VPS18: variants seen among roughly 807,000 people sequenced by gnomAD.
VPS18 encodes the protein VPS18 core subunit of CORVET and HOPS complexes.
Under a neutral mutation model 82.0 loss-of-function variants are expected in VPS18, and 25 were observed. The observed-to-expected ratio is 0.30, with a 90% CI of 0.22 to 0.43. VPS18 has a LOEUF of 0.43. VPS18 is among the 20% of genes least tolerant of loss of function. The pLI is 1.00. For synonymous variants in VPS18, 523 were observed against 543.0 expected (o/e 0.96, Z 0.51); for missense variants, 1,168 against 1,311.1 (o/e 0.89, Z 1.69).
rs200892002 is a variant in VPS18, at chr15:40,903,024, C to T, written c.2605C>T (p.Leu869Phe). The T allele has an allele frequency of 7.4e-6, 12 of 1,614,256 alleles. No individual in the cohort carries two copies. The highest frequency in any genetic ancestry group is 1.0e-5 in the Non-Finnish European group (12 of 1,180,050). Residue 869 changes from leucine (L) to phenylalanine (F), a missense_variant, in exon 5 of 5, where the codon CTC becomes TTC. Physicochemically the swap from Leu to Phe is conservative, Grantham distance 22. This residue lies in a region of VPS18 where 296 missense variants were observed against 354.0 expected (regional missense o/e 0.84). Coordinates refer to ENST00000220509, the MANE Select transcript of VPS18 (RefSeq NM_020857.3). ...PLLNRPFYLF[L>F]CGHMFHADCL... ...GCTCAACCGCCCTTTTTACCTCTTC[C>T]TCTGTGGCCATATGTTCCATGCTGA... is the stretch of plus-strand genomic sequence containing the variant.
Position 40,900,265 on chromosome 15 carries a change from G to A in VPS18, c.1447G>A (p.Ala483Thr), listed in dbSNP as rs781187757. 1.9e-6 allele frequency: 3 copies of A among 1,613,784 alleles called. No homozygotes were observed. The highest frequency in any genetic ancestry group is 3.3e-4 in the Middle Eastern group (2 of 6,062). Residue 483 changes from alanine to threonine, a missense_variant, in exon 4 of 5, where the codon GCC (alanine) becomes ACC (threonine). By Grantham distance (58) the Ala-to-Thr change is moderately conservative. Transcript: ENST00000220509. The surrounding 1 kb of genome is among the most constrained non-coding windows in gnomAD (Gnocchi z 5.4). ...GCGAAAACTGGCCAGTTTGAAGCCAGCCGAACGTACCCAGGCCACACTGCT... is the reference window on the plus strand; with the variant it reads ...GCGAAAACTGGCCAGTTTGAAGCCAACCGAACGTACCCAGGCCACACTGCT... Reference protein sequence around the residue: ...LQRKLASLKPAERTQATLLTT... With the variant: ...LQRKLASLKPTERTQATLLTT...
rs1444142740 is a variant in VPS18 at position 40,899,808 on chromosome 15, G to A, written c.990G>A (p.Leu330=). ...CCAGCCCACCCCTAGCCATCGTCTT[G>A]ACCCAGTTCCACTTCCTGCTGCTAC... The part of the protein sequence containing the change: ...PGASPPLAIV[L]TQFHFLLLLA... Residue 330 remains leucine, a synonymous_variant, in exon 4 of 5, where the codon TTG becomes TTA. Transcript: ENST00000220509. The surrounding 1 kb of genome is among the most constrained non-coding windows in gnomAD (Gnocchi z 4.4). 2.5e-6 allele frequency: 4 copies of A among 1,610,922 alleles called. No homozygotes were observed. Among genetic ancestry groups the A allele is most frequent in the Non-Finnish European group, 3.4e-6 (4 of 1,180,016 alleles).
rs140710728 is a variant in VPS18 at position 40,902,672 on chromosome 15, G to A, written c.2253G>A (p.Leu751=). ...CADLPEEDEE[L]RKKLWLKIAR... Reference sequence around the variant, plus strand: ...ACCTGCCTGAGGAGGATGAGGAATTGCGCAAGAAGCTGTGGCTGAAGATCG... The same window carrying A: ...ACCTGCCTGAGGAGGATGAGGAATTACGCAAGAAGCTGTGGCTGAAGATCG... Residue 751 remains leucine, a synonymous_variant, in exon 5 of 5, where the codon TTG becomes TTA. Transcript: ENST00000220509. The surrounding 1 kb of genome is among the most constrained non-coding windows in gnomAD (Gnocchi z 4.2). The A allele has an allele frequency of 2.5e-6, 4 of 1,614,142 alleles. No individual in the cohort carries two copies. The African/African-American group carries it at 4.0e-5, about 16-fold the overall frequency.
Position 40,900,898 on chromosome 15 carries a change from C to T in VPS18, c.2080C>T (p.His694Tyr), listed in dbSNP as rs1433718850. 2.5e-6 allele frequency: 4 copies of T among 1,614,070 alleles called. No homozygotes were observed. The highest frequency in any genetic ancestry group is 2.2e-5 in the South Asian group (2 of 91,086). Residue 694 changes from histidine (H) to tyrosine (Y), a missense_variant, in exon 4 of 5, where the codon CAT (histidine) becomes TAT (tyrosine). Physicochemically the swap from His to Tyr is moderately conservative, Grantham distance 83. Coordinates refer to ENST00000220509, the MANE Select transcript of VPS18 (RefSeq NM_020857.3). This position sits in a 1 kb window ranked among gnomAD's most constrained non-coding sequence, Gnocchi z 5.4. Reference sequence around the variant, plus strand: ...GGCTGGGGCCAGCCCCCACCGGGTGCATTACGACCTCAAGTATGCGCTGCG... The same window carrying T: ...GGCTGGGGCCAGCCCCCACCGGGTGTATTACGACCTCAAGTATGCGCTGCG... ...EQAGASPHRVHYDLKYALRLC... is the reference protein window; with the variant it reads ...EQAGASPHRVYYDLKYALRLC...
Position 40,902,732 on chromosome 15 carries a change from G to A in VPS18, c.2313G>A (p.Gln771=). 1 of 1,614,298 alleles carries A rather than the reference G, an allele frequency of 6.2e-7. No individual in the cohort carries two copies. Among genetic ancestry groups the A allele is most frequent in the South Asian group, 1.1e-5 (1 of 91,088 alleles). ...RHVVQEEEDV[Q]TAMACLASCP... Reference sequence around the variant, plus strand: ...TGGTGCAGGAAGAGGAAGATGTACAGACAGCCATGGCTTGCCTGGCTAGCT... The same window carrying A: ...TGGTGCAGGAAGAGGAAGATGTACAAACAGCCATGGCTTGCCTGGCTAGCT... The change falls in exon 5 of 5, where the codon CAG becomes CAA. Residue 771 remains glutamine (Q), a synonymous_variant. Transcript: ENST00000220509. This position sits in a 1 kb window ranked among gnomAD's most constrained non-coding sequence, Gnocchi z 4.2.
At chr15:40,897,990 A>G (rs1892257839) in intron 2 of VPS18, among the ~76,000 whole-genome samples, 1 of 152,050 alleles carries the variant, frequency 6.6e-6, no homozygotes, top group Admixed American at 6.6e-5. Flanking sequence ...TTTTTGAGAC[A>G]GAGTCTTGCT....
At chr15:40,895,653 C>T (rs1006368547) in intron 1 of VPS18, among the ~76,000 whole-genome samples, 1 of 152,200 alleles carries the variant, frequency 6.6e-6, no homozygotes, top group Admixed American at 6.5e-5. Flanking sequence ...GTCCCACCTC[C>T]ACGCAGCCCC....
rs781629270 is a variant in VPS18 at position 40,899,739 on chromosome 15, C to G, written c.921C>G (p.Ser307Arg). ...GTGGGCGCCCTGACTCTCTGCTGAG[C>G]GAGGAGCGAGTCTGGGAGTACCCAG... The part of the protein sequence containing the change: ...LDCGRPDSLL[S>R]EERVWEYPEG... The change falls in exon 4 of 5, where the codon AGC becomes AGG. Residue 307 changes from serine (S) to arginine (R), a missense_variant. Around this residue, in one of 3 missense-constraint regions of VPS18, gnomAD observed 868 missense variants for 939.8 expected, o/e 0.92. Transcript: ENST00000220509. This position sits in a 1 kb window ranked among gnomAD's most constrained non-coding sequence, Gnocchi z 4.4. 1.2e-6 allele frequency: 2 copies of G among 1,613,796 alleles called. No homozygotes were observed. The highest frequency in any genetic ancestry group is 3.3e-5 in the Admixed American group (2 of 60,030).
Position 40,902,645 on chromosome 15 carries a change from A to G in VPS18, c.2226A>G (p.Ala742=). The change falls in exon 5 of 5, where the codon GCA becomes GCG. Residue 742 remains alanine, a synonymous_variant. Coordinates refer to ENST00000220509, the MANE Select transcript of VPS18 (RefSeq NM_020857.3). The surrounding 1 kb of genome is among the most constrained non-coding windows in gnomAD (Gnocchi z 4.2). The stretch of plus-strand genomic sequence containing the variant: ...ATGTGGACCTGGCCAAGCAGTGTGC[A>G]GACCTGCCTGAGGAGGATGAGGAAT... ...QVDVDLAKQC[A]DLPEEDEELR... 5.0e-6 allele frequency: 8 copies of G among 1,614,092 alleles called. No individual in the cohort carries two copies. Among genetic ancestry groups the G allele is most frequent in the Non-Finnish European group, 6.8e-6 (8 of 1,179,924 alleles).
At position 40,899,007 on chromosome 15, in the gene VPS18, CAG is replaced by C. The variant is rs1161173877; in HGVS notation, c.325+10_325+11del. The C allele has an allele frequency of 6.2e-7, 1 of 1,613,870 alleles. No individual in the cohort carries two copies. The highest frequency in any genetic ancestry group is 8.5e-7 in the Non-Finnish European group (1 of 1,179,922). ...GTTCCTTGACCATACTGGTAAGTAA[CAG>C]TGGAGATCTGAGGAGGGGGTCTCTG... On this transcript the variant is annotated intron_variant, in intron 3 of 4. Transcript: ENST00000220509. This position sits in a 1 kb window ranked among gnomAD's most constrained non-coding sequence, Gnocchi z 4.4.
rs370302130 is a variant in VPS18 at position 40,899,985 on chromosome 15, C to T, written c.1167C>T (p.Tyr389=). 2.5e-6 allele frequency: 4 copies of T among 1,613,958 alleles called. No homozygotes were observed. Among genetic ancestry groups the T allele is most frequent in the Non-Finnish European group, 3.4e-6 (4 of 1,180,044 alleles). Residue 389 remains tyrosine (Y), a synonymous_variant, in exon 4 of 5, where the codon TAC becomes TAT. Coordinates refer to ENST00000220509, the MANE Select transcript of VPS18 (RefSeq NM_020857.3). The surrounding 1 kb of genome is among the most constrained non-coding windows in gnomAD (Gnocchi z 4.4). Reference sequence around the variant, plus strand: ...ACACTGAGCGGGCTGTCTTCCGCTACCACGTGCAACGGGAGGCCCGAGATG... The same window carrying T: ...ACACTGAGCGGGCTGTCTTCCGCTATCACGTGCAACGGGAGGCCCGAGATG... The part of the protein sequence containing the change: ...WAYTERAVFR[Y]HVQREARDVW...
intron 4 of VPS18, among the ~76,000 whole-genome samples, chr15:40,901,380 A>C (rs1892355679): frequency 6.6e-6 from 1 of 151,902 alleles, no homozygotes. Flanking sequence ...CAAGGTCAGG[A>C]GTTCGAGACC....
chr15:40,894,853 C>G lies in VPS18; in HGVS notation c.85C>G (p.His29Asp). The G allele has an allele frequency of 3.2e-6, 5 of 1,552,244 alleles. 1 individual carries two copies. The highest frequency in any genetic ancestry group is 1.2e-5 in the South Asian group (1 of 84,170). The change falls in exon 1 of 5, where the codon CAC becomes GAC. Residue 29 changes from histidine to aspartate, a missense_variant. By Grantham distance (81) the His-to-Asp change is moderately conservative. This residue lies in a region of VPS18 where 868 missense variants were observed against 939.8 expected (regional missense o/e 0.92). Coordinates refer to ENST00000220509, the MANE Select transcript of VPS18 (RefSeq NM_020857.3). ...CGGCTGCCCTAGCGTGGGCATCCCC[C>G]ACTCGGGTAAGGAAGAGGAGGGTGC... ...QPGCPSVGIP[H>D]SGYVNAQLEK...
At position 40,899,468 on chromosome 15, in the gene VPS18, G is replaced by T. The variant is rs560573580; in HGVS notation, c.650G>T (p.Arg217Leu). 39 of 1,610,640 alleles carry T rather than the reference G, an allele frequency of 2.4e-5. No homozygotes were observed. In the African/African-American group the frequency reaches 5.1e-4, roughly 21 times the overall value. The change falls in exon 4 of 5, where the codon CGT becomes CTT. Residue 217 changes from arginine to leucine, a missense_variant. Transcript: ENST00000220509. The surrounding 1 kb of genome is among the most constrained non-coding windows in gnomAD (Gnocchi z 4.4). ...SLEAERGPDG[R>L]SFVIATTRQR... ...GAGGCCGAGCGGGGCCCTGATGGGCGTAGCTTTGTTATTGCCACCACTCGG... is the reference window on the plus strand; with the variant it reads ...GAGGCCGAGCGGGGCCCTGATGGGCTTAGCTTTGTTATTGCCACCACTCGG...
intron 4 of VPS18, among the ~76,000 whole-genome samples, chr15:40,901,336 G>A (rs904924245): frequency 4.6e-5 from 7 of 152,122 alleles, no homozygotes; most frequent in Non-Finnish European, 8.8e-5. Flanking sequence ...GGTGGCTTGC[G>A]CCAGCACTTT....
In VPS18 at chr15:40,900,627, C is replaced by A. The variant is rs773152771; in HGVS notation, c.1809C>A (p.Ile603=). ...QLFYKFSPIL[I]RHIPRQLVDA... ...TCTACAAGTTCTCACCCATCCTCAT[C>A]CGTCACATCCCCCGCCAGCTTGTAG... The change falls in exon 4 of 5, where the codon ATC becomes ATA. Residue 603 remains isoleucine (I), a synonymous_variant. Coordinates refer to ENST00000220509, the MANE Select transcript of VPS18 (RefSeq NM_020857.3). This position sits in a 1 kb window ranked among gnomAD's most constrained non-coding sequence, Gnocchi z 5.4. 3 of 1,614,146 alleles carry A rather than the reference C, an allele frequency of 1.9e-6. No individual in the cohort carries two copies. Among genetic ancestry groups the A allele is most frequent in the Middle Eastern group, 1.6e-4 (1 of 6,062 alleles).
rs775935396 is a variant in VPS18 at position 40,899,449 on chromosome 15, G to C, written c.631G>C (p.Glu211Gln). ...GPAPVCSLEAERGPDGRSFVI... is the reference protein window; with the variant it reads ...GPAPVCSLEAQRGPDGRSFVI... ...AGCACCTGTGTGCTCCCTTGAGGCC[G>C]AGCGGGGCCCTGATGGGCGTAGCTT... Residue 211 changes from glutamate to glutamine, a missense_variant, in exon 4 of 5, where the codon GAG becomes CAG. Transcript: ENST00000220509. This position sits in a 1 kb window ranked among gnomAD's most constrained non-coding sequence, Gnocchi z 4.4. 6.2e-7 allele frequency: 1 copy of C among 1,606,698 alleles called. No homozygotes were observed. The highest frequency in any genetic ancestry group is 1.7e-5 in the Admixed American group (1 of 59,756).
In VPS18 at chr15:40,899,492, G is replaced by C. The variant is rs766292526; in HGVS notation, c.674G>C (p.Arg225Pro). The C allele has an allele frequency of 1.2e-6, 2 of 1,611,486 alleles. No individual in the cohort carries two copies. The highest frequency in any genetic ancestry group is 1.7e-6 in the Non-Finnish European group (2 of 1,179,412). Residue 225 changes from arginine to proline, a missense_variant, in exon 4 of 5, where the codon CGG becomes CCG. Coordinates refer to ENST00000220509, the MANE Select transcript of VPS18 (RefSeq NM_020857.3). This position sits in a 1 kb window ranked among gnomAD's most constrained non-coding sequence, Gnocchi z 4.4. ...DGRSFVIATT[R>P]QRLFQFIGRA... ...CGTAGCTTTGTTATTGCCACCACTC[G>C]GCAGCGCCTCTTCCAGTTCATAGGC...
rs772439787 is a variant in VPS18 at position 40,903,302 on chromosome 15, C to A, written c.2883C>A (p.Asp961Glu). 3 of 1,557,756 alleles carry A rather than the reference C, an allele frequency of 1.9e-6. No individual in the cohort carries two copies. The Admixed American group carries it at 5.8e-5, about 30-fold the overall frequency. The change falls in exon 5 of 5, where the codon GAC (aspartate) becomes GAA (glutamate). Residue 961 changes from aspartate (D) to glutamate (E), a missense_variant. By Grantham distance (45) the Asp-to-Glu change is conservative. Around this residue, in one of 3 missense-constraint regions of VPS18, gnomAD observed 296 missense variants for 354.0 expected, o/e 0.84. Transcript: ENST00000220509. ...MIRSIDRPFI[D>E]PQRYEEEQLS... Reference sequence around the variant, plus strand: ...GCTCTATCGACCGGCCGTTCATCGACCCCCAGCGCTACGAGGAGGAGCAGC... The same window carrying A: ...GCTCTATCGACCGGCCGTTCATCGAACCCCAGCGCTACGAGGAGGAGCAGC...
Sources: allele counts gnomAD v4.1 joint callset (sites outside exome capture counted in the v4.1 genomes callset), GRCh38; gene constraint gnomAD v4.1.1; regional missense constraint gnomAD v4.1.1; non-coding constraint Gnocchi (gnomAD v3.1); transcripts MANE v1.5; gene names NCBI Gene and HGNC (gene_info 2026-07-23, HGNC 2026-07-21).